SHTN1: variants seen among roughly 807,000 people sequenced by gnomAD.
The protein encoded by SHTN1 is shootin-1.
SHTN1 carries 42 observed loss-of-function variants against 83.1 expected under a neutral mutation model. The observed-to-expected ratio is 0.51, with a 90% CI of 0.39 to 0.65. The LOEUF is 0.65. Ranked by LOEUF, SHTN1 falls within the 30% of genes least tolerant of loss-of-function variation. The pLI, the probability that SHTN1 is intolerant of heterozygous loss-of-function variation, is 0.00. For synonymous variants in SHTN1, 224 were observed against 247.7 expected (o/e 0.90, Z 0.90); for missense variants, 622 against 737.8 (o/e 0.84, Z 1.82).
chr10:117,098,754 T>C (rs1372248034), intron 1 of SHTN1, among the ~76,000 whole-genome samples: 1 of 152,124 alleles, frequency 6.6e-6, no homozygotes, highest in Non-Finnish European at 1.5e-5. Flanking sequence ...TTATATACTA[T>C]TGACATCAGT....
At chr10:116,903,258 C>T (rs185801889) in intron 15 of SHTN1, among the ~76,000 whole-genome samples, 72 of 152,212 alleles carry the variant, frequency 4.7e-4, no homozygotes, top group Non-Finnish European at 4.9e-4. Context: ...TCCGGCTGTA[C>T]GTGGTGGCTC....
intron 3 of SHTN1, among the ~76,000 whole-genome samples, chr10:116,961,048 T>G (rs1287861897): frequency 6.6e-6 from 1 of 152,066 alleles, no homozygotes. Context: ...CCACCCATAT[T>G]TCTAGTTAAA....
At chr10:117,012,032 C>G (rs1589894916) in intron 2 of SHTN1, among the ~76,000 whole-genome samples, 1 of 150,416 alleles carries the variant, frequency 6.6e-6, no homozygotes, top group Non-Finnish European at 1.5e-5. Context: ...CCAGCTACTC[C>G]GGAGGCTGAG....
chr10:117,061,867 C>T (rs1444043296), intron 1 of SHTN1, among the ~76,000 whole-genome samples: 1 of 152,176 alleles, frequency 6.6e-6, no homozygotes, highest in Admixed American at 6.6e-5. Context: ...AAACACATTC[C>T]ATGCTATGTT....
intron 8 of SHTN1, among the ~76,000 whole-genome samples, chr10:116,944,076 C>A (rs963864222): frequency 1.3e-5 from 2 of 152,080 alleles, no homozygotes; most frequent in African/African-American, 4.8e-5. Flanking sequence ...TGTTCCACAG[C>A]CAGTGGAAGA....
chr10:116,940,621 G>A lies in SHTN1; in HGVS notation c.712-9C>T, dbSNP rs373875056. On this transcript the variant is annotated splice_polypyrimidine_tract_variant and intron_variant, in intron 8 of 16. Coordinates refer to ENST00000355371, the MANE Select transcript of SHTN1 (RefSeq NM_001127211.3). ...TTTTGCTCAATGAACATCTGCAAAA[G>A]TTTGTTACAAGAATGTATATATCAA... 32 of 1,596,070 alleles carry A rather than the reference G, an allele frequency of 2.0e-5. No individual in the cohort carries two copies. The highest frequency in any genetic ancestry group is 3.4e-5 in the South Asian group (3 of 88,590).
intron 9 of SHTN1, among the ~76,000 whole-genome samples, chr10:116,930,696 G>A (rs1403446940): frequency 6.6e-6 from 1 of 152,156 alleles, no homozygotes; most frequent in Non-Finnish European, 1.5e-5. Flanking sequence ...GAATATGTGT[G>A]CACGTGTCTT....
chr10:117,109,393 A>G (rs1374127446), intron 1 of SHTN1, among the ~76,000 whole-genome samples: 2 of 152,002 alleles, frequency 1.3e-5, no homozygotes, highest in Non-Finnish European at 2.9e-5. Context: ...CTCAATACAG[A>G]GTATCTTAAT....
At chr10:117,026,143 T>A (rs896967572) in intron 2 of SHTN1, among the ~76,000 whole-genome samples, 3 of 152,068 alleles carry the variant, frequency 2.0e-5, no homozygotes, top group Non-Finnish European at 4.4e-5. Context: ...TCTTGGCTCT[T>A]AGATGGCATT....
In SHTN1 at chr10:116,886,569, A is replaced by G. The variant is rs1847170581; in HGVS notation, c.1674-3T>C. On this transcript the variant is annotated splice_region_variant and splice_polypyrimidine_tract_variant and intron_variant, in intron 16 of 16. Transcript: ENST00000355371. ...TGCATCCAATGCTACTGGGAGGCCT[A>G]TGAGATGAAGAGTTAGACAAAAAAA... 6.2e-7 allele frequency: 1 copy of G among 1,613,992 alleles called. No individual in the cohort carries two copies.
chr10:116,993,013 T>C (rs1295234661), intron 1 of SHTN1, among the ~76,000 whole-genome samples: 28 of 53,912 alleles, frequency 5.2e-4, no homozygotes, highest in East Asian at 1.5e-3. Context: ...TCTTTCTTTT[T>C]TTTCTTTTTT....
At chr10:116,915,298 C>G in intron 13 of SHTN1, 77 bp downstream of exon 13, 1 of 813,610 alleles carries the variant, frequency 1.2e-6, no homozygotes, top group Non-Finnish European at 2.1e-6. Flanking sequence ...CCTGATGCAG[C>G]TTTCATCAAA....
intron 2 of SHTN1, among the ~76,000 whole-genome samples, chr10:116,975,816 C>CAGAA (rs1336210743): frequency 6.6e-6 from 1 of 152,164 alleles, no homozygotes; most frequent in Admixed American, 6.5e-5. Flanking sequence ...CAAGTACACA[C>CAGAA]ATACATATAC....
chr10:116,919,340 CTGTG>C (rs1485534923), intron 12 of SHTN1, among the ~76,000 whole-genome samples: 1 of 152,132 alleles, frequency 6.6e-6, no homozygotes, highest in Non-Finnish European at 1.5e-5. Context: ...TTATTCAAGG[CTGTG>C]TGTTTTTTAG....
chr10:117,021,668 A>C (rs1852266085), intron 2 of SHTN1, among the ~76,000 whole-genome samples: 1 of 152,210 alleles, frequency 6.6e-6, no homozygotes, highest in Non-Finnish European at 1.5e-5. Context: ...ACTCCTATGT[A>C]TTTGCCAGAG....
At chr10:117,045,152 G>C (rs1852642773) in intron 2 of SHTN1, among the ~76,000 whole-genome samples, 1 of 152,106 alleles carries the variant, frequency 6.6e-6, no homozygotes, top group African/African-American at 2.4e-5. Flanking sequence ...CATTTATGGA[G>C]AATAATCTGG....
At chr10:116,969,529 C>T (rs892606289) in intron 2 of SHTN1, among the ~76,000 whole-genome samples, 1 of 152,054 alleles carries the variant, frequency 6.6e-6, no homozygotes, top group Admixed American at 6.6e-5. Context: ...CCTCAGAATT[C>T]GGAATAGAGG....
At chr10:116,982,420 T>G (rs1851058448) in intron 1 of SHTN1, among the ~76,000 whole-genome samples, 2 of 152,058 alleles carry the variant, frequency 1.3e-5, no homozygotes, top group Non-Finnish European at 1.5e-5. Context: ...TACACAGACA[T>G]GCACACACAT....
chr10:117,090,781 G>T (rs528342340), intron 1 of SHTN1, among the ~76,000 whole-genome samples: 3 of 132,526 alleles, frequency 2.3e-5, no homozygotes, highest in African/African-American at 8.9e-5. Flanking sequence ...AAGGAAGGAA[G>T]GAAGGAAGGA....
Sources: gnomAD v4.1 joint callset for allele counts (sites outside exome capture counted in the v4.1 genomes callset) on GRCh38, gnomAD v4.1.1 for gene constraint, MANE v1.5 for transcripts, NCBI Gene and HGNC (gene_info 2026-07-23, HGNC 2026-07-21) for gene names.